The following PLAU variants were observed in gnomAD, a reference collection of about 807,000 sequenced individuals.
The protein encoded by PLAU is plasminogen activator, urokinase, also known as urokinase-type plasminogen activator.
In PLAU, 32 loss-of-function variants were observed where a neutral mutation model predicts 48.9. The observed-to-expected ratio is 0.65, with a 90% CI of 0.49 to 0.88. PLAU has a LOEUF of 0.88. PLAU is among the 40% of genes least tolerant of loss of function. The probability of loss-of-function intolerance (pLI) is 0.00; values close to 1 mark genes in which losing one functional copy is unlikely to be tolerated. For synonymous variants in PLAU, 199 were observed against 205.7 expected, an observed-to-expected ratio of 0.97 and a Z score of 0.28; for missense variants, 455 against 545.2, an observed-to-expected ratio of 0.83 and a Z score of 1.65.
At chr10:73,911,761 G>T (rs1226794482) in intron 2 of PLAU, 149 bp downstream of exon 2, 22 of 1,552,174 alleles carry the variant, frequency 1.4e-5, no homozygotes, top group Non-Finnish European at 1.7e-5. Context: ...GGGTGGCAGC[G>T]GAGGCTTGAG....
intron 10 of PLAU, 29 bp from the exon 11 acceptor site, chr10:73,916,360 G>A (rs1003327673): frequency 6.2e-7 from 1 of 1,601,870 alleles, no homozygotes; most frequent in Admixed American, 1.7e-5. Flanking sequence ...CTTCTCTAGG[G>A]CTCATCTTTT....
rs149836022 is a variant in PLAU at position 73,913,598 on chromosome 10, A to C, written c.520A>C (p.Arg174=). 10 of 1,613,944 alleles carry C rather than the reference A, an allele frequency of 6.2e-6. No individual in the cohort carries two copies. The African/African-American group carries it at 8.0e-5, about 13-fold the overall frequency. The change falls in exon 7 of 11, where the codon AGG becomes CGG. Residue 174 remains arginine (R), a synonymous_variant. Transcript: ENST00000372764. ...LKFQCGQKTL[R]PRFKIIGGEF... Reference sequence around the variant, plus strand: ...ATTTCAGTGTGGCCAAAAGACTCTGAGGCCCCGCTTTAAGATTATTGGGGG... The same window carrying C: ...ATTTCAGTGTGGCCAAAAGACTCTGCGGCCCCGCTTTAAGATTATTGGGGG...
intron 1 of PLAU, 140 bp from the exon 2 acceptor site, chr10:73,911,385 G>T (rs2136184621): frequency 1.1e-6 from 1 of 926,004 alleles, no homozygotes; most frequent in South Asian, 1.4e-5. Flanking sequence ...GATCCAGGCT[G>T]CCCGGAGTCC....
Position 73,914,139 on chromosome 10 carries a change from A to G in PLAU, c.829+11A>G, listed in dbSNP as rs1203149961. On this transcript the variant is annotated intron_variant, in intron 8 of 10. Transcript: ENST00000372764. Reference sequence around the variant, plus strand: ...ACCACAACGACATTGGTGAGGGGGAACCCCGCGACTACTGTGGCCATAATG... The same window carrying G: ...ACCACAACGACATTGGTGAGGGGGAGCCCCGCGACTACTGTGGCCATAATG... 6.2e-7 allele frequency: 1 copy of G among 1,613,208 alleles called. No individual in the cohort carries two copies. The highest frequency in any genetic ancestry group is 1.3e-5 in the African/African-American group (1 of 74,928).
chr10:73,912,168 T>C (rs1173517760), intron 3 of PLAU, 47 bp from the exon 4 acceptor site: 1 of 1,613,958 alleles, frequency 6.2e-7, no homozygotes, highest in Admixed American at 1.7e-5. Context: ...GCGCCACCCC[T>C]TACCACTTCC....
intron 1 of PLAU, 34 bp from the exon 2 acceptor site, chr10:73,911,491 C>T (rs2096123842): frequency 1.3e-6 from 2 of 1,582,338 alleles, no homozygotes; most frequent in Non-Finnish European, 1.7e-6. Context: ...TCCCGTTCCT[C>T]CGCCTCTTGC....
chr10:73,909,028 C>T (rs1041828865), upstream of PLAU: 6 of 150,426 alleles, frequency 4.0e-5, no homozygotes, highest in African/African-American at 1.5e-4. Flanking sequence ...TAAAGATTAG[C>T]GCATGGATAA....
chr10:73,915,718 C>T (rs978929398), intron 10 of PLAU, among the ~76,000 whole-genome samples: 4 of 152,046 alleles, frequency 2.6e-5, no homozygotes, highest in Non-Finnish European at 5.9e-5. Flanking sequence ...AGGTGAGTGC[C>T]AACCTGAGGG....
chr10:73,913,634 A>G lies in PLAU; in HGVS notation c.556A>G (p.Thr186Ala). 1 of 1,613,760 alleles carries G rather than the reference A, an allele frequency of 6.2e-7. No homozygotes were observed. The highest frequency in any genetic ancestry group is 8.5e-7 in the Non-Finnish European group (1 of 1,179,796). ...RFKIIGGEFTTIENQPWFAAI... is the reference protein window; with the variant it reads ...RFKIIGGEFTAIENQPWFAAI... Reference sequence around the variant, plus strand: ...TAAGATTATTGGGGGAGAATTCACCACCATCGAGAACCAGCCCTGGTTTGC... The same window carrying G: ...TAAGATTATTGGGGGAGAATTCACCGCCATCGAGAACCAGCCCTGGTTTGC... Residue 186 changes from threonine (T) to alanine (A), a missense_variant, in exon 7 of 11, where the codon ACC (threonine) becomes GCC (alanine). Coordinates refer to ENST00000372764, the MANE Select transcript of PLAU (RefSeq NM_002658.6).
rs772615182 is a variant in PLAU, at chr10:73,913,700, G to A, written c.622G>A (p.Val208Met). 29 of 1,612,988 alleles carry A rather than the reference G, an allele frequency of 1.8e-5. No homozygotes were observed. The highest frequency in any genetic ancestry group is 2.3e-5 in the Non-Finnish European group (27 of 1,179,620). ...RRHRGGSVTY[V>M]CGGSLISPCW... ...GCACCGGGGGGGCTCTGTCACCTAC[G>A]TGTGTGGAGGCAGCCTCATCAGCCC... is the stretch of plus-strand genomic sequence containing the variant. The change falls in exon 7 of 11, where the codon GTG becomes ATG. Residue 208 changes from valine (V) to methionine (M), a missense_variant. By Grantham distance (21) the Val-to-Met change is conservative. Coordinates refer to ENST00000372764, the MANE Select transcript of PLAU (RefSeq NM_002658.6).
chr10:73,915,915 C>G (rs1388533694), intron 10 of PLAU, among the ~76,000 whole-genome samples: 2 of 152,016 alleles, frequency 1.3e-5, no homozygotes, highest in African/African-American at 4.8e-5. Flanking sequence ...CTTTTAAAGC[C>G]AAGCAGGGGA....
At chr10:73,911,465 C>T (rs2096123773) in intron 1 of PLAU, 60 bp from the exon 2 acceptor site, 2 of 1,515,070 alleles carry the variant, frequency 1.3e-6, no homozygotes, top group East Asian at 4.7e-5. Flanking sequence ...GCTGCAGTCG[C>T]CCGCCTGGCC....
At position 73,914,086 on chromosome 10, in the gene PLAU, A is replaced by G. The variant is rs1405606077; in HGVS notation, c.787A>G (p.Lys263Glu). Residue 263 changes from lysine to glutamate, a missense_variant, in exon 8 of 11, where the codon AAG becomes GAG. By Grantham distance (56) the Lys-to-Glu change is moderately conservative. Coordinates refer to ENST00000372764, the MANE Select transcript of PLAU (RefSeq NM_002658.6). ...TGAGGTGGAAAACCTCATCCTACACAAGGACTACAGCGCTGACACGCTTGC... is the reference window on the plus strand; with the variant it reads ...TGAGGTGGAAAACCTCATCCTACACGAGGACTACAGCGCTGACACGCTTGC... ...KFEVENLILH[K>E]DYSADTLAHH... 6.2e-7 allele frequency: 1 copy of G among 1,614,080 alleles called. No homozygotes were observed.
Position 73,912,074 on chromosome 10 carries a change from T to A in PLAU, c.85+6T>A. On this transcript the variant is annotated splice_donor_region_variant and intron_variant, in intron 3 of 10. Coordinates refer to ENST00000372764, the MANE Select transcript of PLAU (RefSeq NM_002658.6). ...TGAACTTCATCAAGTTCCATGTGAG[T>A]ATCCACCCCTACAACAGTTGGCTGC... The A allele has an allele frequency of 6.2e-7, 1 of 1,606,074 alleles. No homozygotes were observed.
In PLAU at chr10:73,913,230, G is replaced by T. The variant is rs2096128572; in HGVS notation, c.369-60G>T. 4 of 1,576,156 alleles carry T rather than the reference G, an allele frequency of 2.5e-6. No individual in the cohort carries two copies. In the African/African-American group the frequency reaches 4.0e-5, roughly 16 times the overall value. On this transcript the variant is annotated intron_variant, in intron 5 of 10. Coordinates refer to ENST00000372764, the MANE Select transcript of PLAU (RefSeq NM_002658.6). ...CCTCTGGTTGAGTCTTCCCTGAGGG[G>T]AGGAGGCAGGGAAGGCCCTCTGGGT...
intron 2 of PLAU, 46 bp downstream of exon 2, chr10:73,911,658 T>C: frequency 6.2e-7 from 1 of 1,609,640 alleles, no homozygotes; most frequent in Non-Finnish European, 8.5e-7. Flanking sequence ...GGACCTCTGA[T>C]CAGCACCAGG....
At chr10:73,916,126 C>G (rs1290088853) in intron 10 of PLAU, among the ~76,000 whole-genome samples, 1 of 152,136 alleles carries the variant, frequency 6.6e-6, no homozygotes, top group Non-Finnish European at 1.5e-5. Flanking sequence ...TGCCTGTAAT[C>G]CCAGCTAATC....
chr10:73,914,042 C>G lies in PLAU; in HGVS notation c.743C>G (p.Thr248Arg). 6.2e-7 allele frequency: 1 copy of G among 1,613,846 alleles called. No individual in the cohort carries two copies. Among genetic ancestry groups the G allele is most frequent in the Non-Finnish European group, 8.5e-7 (1 of 1,179,702 alleles). Reference protein sequence around the residue: ...YLGRSRLNSNTQGEMKFEVEN... With the variant: ...YLGRSRLNSNRQGEMKFEVEN... ...GGTCGCTCAAGGCTTAACTCCAACACGCAAGGGGAGATGAAGTTTGAGGTG... is the reference window on the plus strand; with the variant it reads ...GGTCGCTCAAGGCTTAACTCCAACAGGCAAGGGGAGATGAAGTTTGAGGTG... The change falls in exon 8 of 11, where the codon ACG (threonine) becomes AGG (arginine). Residue 248 changes from threonine to arginine, a missense_variant. Thr to Arg is a moderately conservative substitution (Grantham distance 71, BLOSUM62 -1). Coordinates refer to ENST00000372764, the MANE Select transcript of PLAU (RefSeq NM_002658.6).
Position 73,912,201 on chromosome 10 carries a change from T to G in PLAU, c.86-14T>G. The G allele has an allele frequency of 1.9e-6, 3 of 1,614,178 alleles. No individual in the cohort carries two copies. The highest frequency in any genetic ancestry group is 2.5e-6 in the Non-Finnish European group (3 of 1,180,026). On this transcript the variant is annotated splice_polypyrimidine_tract_variant and intron_variant, in intron 3 of 10. Coordinates refer to ENST00000372764, the MANE Select transcript of PLAU (RefSeq NM_002658.6). Reference sequence around the variant, plus strand: ...TCCACTCCCCCTCGCTTACCCCACCTTTGTTCTCTCCAGCGAACTGTGACT... The same window carrying G: ...TCCACTCCCCCTCGCTTACCCCACCGTTGTTCTCTCCAGCGAACTGTGACT...
Sources: gnomAD v4.1 joint callset for allele counts (sites outside exome capture counted in the v4.1 genomes callset) on GRCh38, gnomAD v4.1.1 for gene constraint, MANE v1.5 for transcripts, NCBI Gene and HGNC (gene_info 2026-07-23, HGNC 2026-07-21) for gene names.